The following CEP295 variants were observed in gnomAD, a reference collection of about 807,000 sequenced individuals.
CEP295 encodes centrosomal protein of 295 kDa.
CEP295 carries 190 observed loss-of-function variants against 291.6 expected under a neutral mutation model. The ratio of observed to expected loss-of-function variants is 0.65; its 90% confidence interval spans 0.58 to 0.73. The LOEUF (loss-of-function observed/expected upper bound fraction) is 0.73, where lower values mean the gene tolerates loss of function less well. CEP295 is among the 30% of genes least tolerant of loss of function. The probability of loss-of-function intolerance (pLI) is 0.00; values close to 1 mark genes in which losing one functional copy is unlikely to be tolerated. For missense variants in CEP295, 2,863 were observed against 2,949.4 expected (o/e 0.97, Z 0.68); for synonymous variants, 993 against 1,038.8 (o/e 0.96, Z 0.85).
At chr11:93,668,084 A>G (rs1950268987) in intron 3 of CEP295, among the ~76,000 whole-genome samples, 1 of 152,154 alleles carries the variant, frequency 6.6e-6, no homozygotes, top group African/African-American at 2.4e-5. Context: ...GGAAATAATA[A>G]TCTTCTGAAT....
intron 23 of CEP295, 178 bp from the exon 24 acceptor site, chr11:93,726,797 TG>T (rs1172571736): frequency 2.1e-6 from 1 of 480,004 alleles, no homozygotes; most frequent in Non-Finnish European, 3.7e-6. Flanking sequence ...TGGTGTGAGC[TG>T]TAGTTTGAGA....
intron 5 of CEP295, among the ~76,000 whole-genome samples, chr11:93,671,422 C>T (rs1950442907): frequency 6.6e-6 from 1 of 152,084 alleles, no homozygotes; most frequent in Non-Finnish European, 1.5e-5. Flanking sequence ...CAGCAGGAGA[C>T]TTGAAGTTGT....
chr11:93,672,781 C>T (rs912183369), intron 5 of CEP295, among the ~76,000 whole-genome samples: 1 of 152,108 alleles, frequency 6.6e-6, no homozygotes, highest in African/African-American at 2.4e-5. Context: ...TTCTGCCAGG[C>T]TAAGGACTGA....
intron 13 of CEP295, among the ~76,000 whole-genome samples, chr11:93,696,110 AC>A (rs761626271): frequency 1.1e-4 from 16 of 152,204 alleles, no homozygotes; most frequent in South Asian, 8.3e-4. Flanking sequence ...AATAGATACG[AC>A]CATGGTTTGT....
chr11:93,685,404 G>A (rs903908064), intron 9 of CEP295, among the ~76,000 whole-genome samples: 6 of 151,866 alleles, frequency 4.0e-5, no homozygotes, highest in East Asian at 1.9e-4. Flanking sequence ...CACCGTGAAC[G>A]TAGCCTTTTG....
intron 18 of CEP295, among the ~76,000 whole-genome samples, chr11:93,707,548 G>A (rs768432384): frequency 6.6e-6 from 1 of 152,026 alleles, no homozygotes; most frequent in Non-Finnish European, 1.5e-5. Context: ...CAGATCATGA[G>A]GTCAGAAGAT....
At chr11:93,705,224 T>C (rs565110375) in intron 17 of CEP295, among the ~76,000 whole-genome samples, 1 of 152,260 alleles carries the variant, frequency 6.6e-6, no homozygotes, top group African/African-American at 2.4e-5. Flanking sequence ...AGGGTGTTTT[T>C]TCCCCCAGAG....
chr11:93,712,078 G>C (rs1342244811), intron 18 of CEP295, among the ~76,000 whole-genome samples: 2 of 151,960 alleles, frequency 1.3e-5, no homozygotes, highest in Admixed American at 1.3e-4. Flanking sequence ...ATTTTACTGG[G>C]GTCTAGCTAT....
rs780716075 is a variant in CEP295, at chr11:93,710,242, C to T, written c.5749+3345C>T. Among the ~76,000 whole-genome samples, 8 of 152,172 alleles carry T rather than the reference C, an allele frequency of 5.3e-5. 1 individual carries two copies. The highest frequency in any genetic ancestry group is 2.1e-4 in the South Asian group (1 of 4,832). On this transcript the variant is annotated intron_variant, in intron 18 of 29. Coordinates refer to ENST00000325212, the MANE Select transcript of CEP295 (RefSeq NM_033395.2). ...GAGGAAAGGCTTTCAGGTTTTCCCC[C>T]ATTTGGTATGATACTAGCTGTGGAT...
intron 1 of CEP295, among the ~76,000 whole-genome samples, chr11:93,666,455 G>C (rs995258260): frequency 3.9e-5 from 6 of 152,034 alleles, no homozygotes; most frequent in African/African-American, 1.4e-4. Context: ...TTAGCTGGGC[G>C]TGGTGGCATG....
rs773950490 is a variant in CEP295, at chr11:93,725,761, G to A, written c.6429G>A (p.Pro2143=). ...TGCATTCTTCTCTTAACACAAGTCC[G>A]AATCAACAACCTGACACTAACTTGG... ...TSMHSSLNTS[P]NQQPDTNLAH... The change falls in exon 23 of 30, where the codon CCG becomes CCA. Residue 2143 remains proline (P), a synonymous_variant. Coordinates refer to ENST00000325212, the MANE Select transcript of CEP295 (RefSeq NM_033395.2). 13 of 1,551,546 alleles carry A rather than the reference G, an allele frequency of 8.4e-6. No homozygotes were observed. The highest frequency in any genetic ancestry group is 4.1e-5 in the African/African-American group (3 of 73,032).
Position 93,691,955 on chromosome 11 carries a change from T to A in CEP295, c.1458T>A (p.Thr486=). The A allele has an allele frequency of 6.5e-7, 1 of 1,546,408 alleles. No individual in the cohort carries two copies. The highest frequency in any genetic ancestry group is 1.2e-5 in the South Asian group (1 of 83,478). ...TAAATGAGACTCTGCCTATCACAAC[T>A]GTAGCTCAGAGTTCAGTTCTACTTC... ...QEINETLPIT[T]VAQSSVLLHP... Residue 486 remains threonine (T), a synonymous_variant, in exon 12 of 30, where the codon ACT becomes ACA. Transcript: ENST00000325212.
At chr11:93,712,361 C>G (rs986965374) in intron 18 of CEP295, among the ~76,000 whole-genome samples, 1 of 152,258 alleles carries the variant, frequency 6.6e-6, no homozygotes, top group Middle Eastern at 3.4e-3. Flanking sequence ...TCAAGTGATT[C>G]TCCTGCTTCA....
intron 18 of CEP295, among the ~76,000 whole-genome samples, chr11:93,720,920 T>C (rs1220373066): frequency 6.6e-6 from 1 of 152,156 alleles, no homozygotes; most frequent in Non-Finnish European, 1.5e-5. Flanking sequence ...TATTGTCTCT[T>C]TTATATGCAT....
intron 22 of CEP295, 36 bp from the exon 23 acceptor site, chr11:93,725,615 T>A: frequency 6.7e-7 from 1 of 1,482,644 alleles, no homozygotes; most frequent in African/African-American, 1.4e-5. Context: ...TAATACCTAA[T>A]CAGTATTTCA....
At position 93,695,587 on chromosome 11, in the gene CEP295, A is replaced by G; in HGVS notation, c.1624A>G (p.Arg542Gly). 1 of 1,491,940 alleles carries G rather than the reference A, an allele frequency of 6.7e-7. No homozygotes were observed. 92.4% of individuals were successfully genotyped at this position (1,491,940 alleles called of 1,614,324 possible). A position where few individuals can be genotyped will look rare whatever the true frequency, so the allele number is the denominator to read the frequency against. ...ATTAAGATTAGAAACTGACTGCTTC[A>G]GGGCTCAGCTGGAAGAAGAAAAAAG... is the stretch of plus-strand genomic sequence containing the variant. ...QKLRLETDCF[R>G]AQLEEEKRKK... The change falls in exon 13 of 30, where the codon AGG (arginine) becomes GGG (glycine). Residue 542 changes from arginine (R) to glycine (G), a missense_variant. Arg to Gly is a moderately radical substitution (Grantham distance 125, BLOSUM62 -2). Coordinates refer to ENST00000325212, the MANE Select transcript of CEP295 (RefSeq NM_033395.2).
intron 18 of CEP295, 55 bp from the exon 19 acceptor site, chr11:93,721,257 G>C: frequency 1.0e-6 from 1 of 994,056 alleles, no homozygotes; most frequent in Non-Finnish European, 1.6e-6. Flanking sequence ...AATTTGATTT[G>C]TCTTATCCCA....
rs1411592802 is a variant in CEP295 at position 93,729,860 on chromosome 11, C to G, written c.7568-10C>G. ...GTGTTTACAACTTGATTTCACTTTT[C>G]TTTCCTCAGGTTCATCTGTGAGTCG... On this transcript the variant is annotated splice_polypyrimidine_tract_variant and intron_variant, in intron 27 of 29. Transcript: ENST00000325212. 6.5e-7 allele frequency: 1 copy of G among 1,538,688 alleles called. No individual in the cohort carries two copies. Among genetic ancestry groups the G allele is most frequent in the Non-Finnish European group, 8.7e-7 (1 of 1,143,558 alleles).
intron 10 of CEP295, among the ~76,000 whole-genome samples, chr11:93,690,900 A>G (rs561415980): frequency 4.3e-4 from 65 of 152,120 alleles, no homozygotes; most frequent in Middle Eastern, 6.8e-3. Context: ...TTTTATACCC[A>G]TTGGTCTGTC....
Sources: allele counts gnomAD v4.1 joint callset (sites outside exome capture counted in the v4.1 genomes callset), GRCh38; gene constraint gnomAD v4.1.1; transcripts MANE v1.5; gene names NCBI Gene and HGNC (gene_info 2026-07-23, HGNC 2026-07-21).